The following NUTM1 variants were observed in gnomAD, a reference collection of about 807,000 sequenced individuals.
The protein encoded by NUTM1 is NUT family member 1.
NUTM1 carries 39 observed loss-of-function variants against 88.7 expected under a neutral mutation model. The ratio of observed to expected loss-of-function variants is 0.44; its 90% CI spans 0.34 to 0.57. The LOEUF (loss-of-function observed/expected upper bound fraction) is 0.57. Ranked by LOEUF, NUTM1 falls within the 20% of genes least tolerant of loss-of-function variation. The pLI is 0.01. For synonymous variants in NUTM1, 494 were observed against 538.0 expected, an observed-to-expected ratio of 0.92 and a Z score of 1.13; for missense variants, 1,350 against 1,414.5, an observed-to-expected ratio of 0.95 and a Z score of 0.73.
At chr15:34,353,035 AC>A (rs1370832916) in intron 4 of NUTM1, among the ~76,000 whole-genome samples, 10 of 151,040 alleles carry the variant, frequency 6.6e-5, no homozygotes, top group African/African-American at 2.4e-4. Context: ...ACAGGCACCC[AC>A]CACCACATCA....
At chr15:34,353,131 C>T (rs993420702) in intron 4 of NUTM1, among the ~76,000 whole-genome samples, 7 of 151,768 alleles carry the variant, frequency 4.6e-5, no homozygotes, top group Non-Finnish European at 7.4e-5. Context: ...ATGATCCGCC[C>T]GCCTCAGCCT....
intron 2 of NUTM1, 104 bp from the exon 3 acceptor site, chr15:34,347,860 AAAAAT>A: frequency 2.6e-6 from 1 of 381,838 alleles, no homozygotes; most frequent in South Asian, 4.8e-5. Flanking sequence ...CTCAAAAAAT[AAAAAT>A]AAAAATAAAA....
In NUTM1 at chr15:34,344,362, G is replaced by T. The variant is rs1890544376; in HGVS notation, c.6+660G>T. 2.0e-5 allele frequency among the ~76,000 whole-genome samples: 3 copies of T among 151,904 alleles called. No homozygotes were observed. The South Asian group carries it at 6.2e-4, about 32-fold the overall frequency. On this transcript the variant is annotated intron_variant, in intron 1 of 7. Transcript: ENST00000537011. ...CCCCAAAAATACAAAAATTAGCGGG[G>T]CGTGGTGGCGGGCACCTGTAGTCCC...
intron 4 of NUTM1, among the ~76,000 whole-genome samples, chr15:34,352,069 C>T (rs1378942210): frequency 6.6e-6 from 1 of 152,138 alleles, no homozygotes; most frequent in South Asian, 2.1e-4. Flanking sequence ...ACTCAGGAGG[C>T]TGAGGCAGGA....
At position 34,355,691 on chromosome 15, in the gene NUTM1, A is replaced by C; in HGVS notation, c.1683A>C (p.Ala561=). ...AGGTTTCTTCTTCAGGAAAACGGGC[A>C]AGAGAAGTGCATGGTGGGCAGGAGC... ...LGKVSSSGKR[A]REVHGGQEQA... is the part of the protein sequence containing the mutation. The change falls in exon 8 of 8, where the codon GCA becomes GCC. Residue 561 remains alanine (A), a synonymous_variant. Coordinates refer to ENST00000537011, the MANE Select transcript of NUTM1 (RefSeq NM_001284292.2). The surrounding 1 kb of genome is among the most constrained non-coding windows in gnomAD (Gnocchi z 4.3). 1 of 1,609,648 alleles carries C rather than the reference A, an allele frequency of 6.2e-7. No individual in the cohort carries two copies.
chr15:34,351,017 G>A (rs529178499), intron 4 of NUTM1, among the ~76,000 whole-genome samples, 185 bp downstream of exon 4: 64 of 151,426 alleles, frequency 4.2e-4, no homozygotes, highest in Non-Finnish European at 6.2e-4. Flanking sequence ...TCAGGAGTTC[G>A]AGAACAGCCT....
Position 34,348,514 on chromosome 15 carries a change from G to C in NUTM1, c.646G>C (p.Glu216Gln), listed in dbSNP as rs781187867. 6.2e-7 allele frequency: 1 copy of C among 1,614,074 alleles called. No individual in the cohort carries two copies. The highest frequency in any genetic ancestry group is 1.3e-5 in the African/African-American group (1 of 74,940). Residue 216 changes from glutamate to glutamine, a missense_variant, in exon 3 of 8, where the codon GAA becomes CAA. Glu to Gln is a conservative substitution (Grantham distance 29). This residue lies in a region of NUTM1 where 399 missense variants were observed against 397.9 expected (regional missense o/e 1.00). Transcript: ENST00000537011. ...GCCAGGGCCACATGGGACAACCGGGGAAGGAGGTCCTGTGGCCACTCTATC... is the reference window on the plus strand; with the variant it reads ...GCCAGGGCCACATGGGACAACCGGGCAAGGAGGTCCTGTGGCCACTCTATC... ...AWPGPHGTTG[E>Q]GGPVATLSKP...
chr15:34,346,033 G>A lies in NUTM1; in HGVS notation c.98G>A (p.Gly33Glu). 2.5e-6 allele frequency: 4 copies of A among 1,614,174 alleles called. No homozygotes were observed. Among genetic ancestry groups the A allele is most frequent in the Non-Finnish European group, 3.4e-6 (4 of 1,180,010 alleles). ...AAACCTGAGAGGATGGCTTCAGATG[G>A]AGGTAAGTCTGCAGGTGGTGAGGAG... ...VPKPERMASD[G>E]ASALPGPDMS... is the part of the protein sequence containing the mutation. Residue 33 changes from glycine to glutamate, a missense_variant and splice_region_variant, in exon 2 of 8, where the codon GGA (glycine) becomes GAA (glutamate). By Grantham distance (98) the Gly-to-Glu change is moderately conservative. Transcript: ENST00000537011.
chr15:34,356,970 A>C lies in NUTM1; in HGVS notation c.2962A>C (p.Thr988Pro). Residue 988 changes from threonine to proline, a missense_variant, in exon 8 of 8, where the codon ACT (threonine) becomes CCT (proline). Physicochemically the swap from Thr to Pro is conservative, Grantham distance 38 (BLOSUM62 -1). Transcript: ENST00000537011. ...GAGTCAGGAGTCTTACACAACTGGG[A>C]CTCCCAAAGCAACATCTTCTCACCA... is the stretch of plus-strand genomic sequence containing the variant. ...QESQESYTTG[T>P]PKATSSHQGL... 1 of 1,613,754 alleles carries C rather than the reference A, an allele frequency of 6.2e-7. No individual in the cohort carries two copies.
Position 34,343,377 on chromosome 15 carries a change from C to T in NUTM1, c.-320C>T. On this transcript the variant is annotated 5_prime_UTR_variant, in exon 1 of 8. It adds an upstream start codon to the 5' untranslated region. Transcript: ENST00000537011. ...GGGATGGATGTGGATAGAATATTGACGTATAGAAGCCTGTCTTTGTCTCAA... is the reference window on the plus strand; with the variant it reads ...GGGATGGATGTGGATAGAATATTGATGTATAGAAGCCTGTCTTTGTCTCAA... 1.7e-6 allele frequency: 1 copy of T among 604,348 alleles called. No homozygotes were observed. The highest frequency in any genetic ancestry group is 2.9e-6 in the Non-Finnish European group (1 of 342,432). 37.4% of individuals were successfully genotyped at this position (604,348 alleles called of 1,614,324 possible).
intron 2 of NUTM1, among the ~76,000 whole-genome samples, chr15:34,347,634 A>G (rs1890619691): frequency 6.6e-6 from 1 of 152,152 alleles, no homozygotes; most frequent in South Asian, 2.1e-4. Flanking sequence ...CAGGCGGATC[A>G]CAAGGTCAGG....
chr15:34,343,402 A>AAT lies in NUTM1; in HGVS notation c.-295_-294insAT. ...CGTATAGAAGCCTGTCTTTGTCTCA[A>AAT]GATACACACCCATTTCAGGAGCAGT... On this transcript the variant is annotated 5_prime_UTR_variant, in exon 1 of 8. It adds an upstream start codon to the 5' untranslated region. Coordinates refer to ENST00000537011, the MANE Select transcript of NUTM1 (RefSeq NM_001284292.2). 1.6e-6 allele frequency: 1 copy of AAT among 619,496 alleles called. No homozygotes were observed. Among genetic ancestry groups the AAT allele is most frequent in the Non-Finnish European group, 2.8e-6 (1 of 355,622 alleles). The allele number at this position is 619,496 out of a possible 1,614,324, so 38.4% of individuals were successfully genotyped here.
At chr15:34,344,732 T>A (rs2140149684) in intron 1 of NUTM1, among the ~76,000 whole-genome samples, 1 of 152,144 alleles carries the variant, frequency 6.6e-6, no homozygotes, top group South Asian at 2.1e-4. Flanking sequence ...AAAAATTTTT[T>A]AAAGGCCGGG....
intron 3 of NUTM1, among the ~76,000 whole-genome samples, chr15:34,348,922 C>G (rs1387012090): frequency 6.6e-6 from 1 of 152,216 alleles, no homozygotes; most frequent in East Asian, 1.9e-4. Context: ...TTCAGGCAAG[C>G]CTTCCTCTGG....
rs1231571220 is a variant in NUTM1 at position 34,343,722 on chromosome 15, G to T, written c.6+20G>T. 9 of 1,531,944 alleles carry T rather than the reference G, an allele frequency of 5.9e-6. No individual in the cohort carries two copies. Among genetic ancestry groups the T allele is most frequent in the East Asian group, 2.4e-5 (1 of 40,902 alleles). 94.9% of individuals were successfully genotyped at this position (1,531,944 alleles called of 1,614,324 possible). A position where few individuals can be genotyped will look rare whatever the true frequency, so the allele number is the denominator to read the frequency against. ...ATGGTGGTGAGTAGCTAATAATAAC[G>T]TAATAAAGTGCACCTTCTAGGAGTT... On this transcript the variant is annotated intron_variant, in intron 1 of 7. Transcript: ENST00000537011.
intron 5 of NUTM1, 28 bp downstream of exon 5, chr15:34,353,900 C>T (rs774571314): frequency 5.7e-5 from 92 of 1,611,756 alleles, no homozygotes; most frequent in Non-Finnish European, 7.3e-5. Flanking sequence ...TGACAGGAGC[C>T]GTGGGCCAAA....
Position 34,356,573 on chromosome 15 carries a change from A to G in NUTM1, c.2565A>G (p.Glu855=). The change falls in exon 8 of 8, where the codon GAA becomes GAG. Residue 855 remains glutamate, a synonymous_variant. Transcript: ENST00000537011. ...RSKENQEQSC[E]TVGHPSDLWA... ...AAGAAAATCAAGAACAGAGCTGTGA[A>G]ACCGTAGGGCATCCCAGTGATCTGT... 6.2e-7 allele frequency: 1 copy of G among 1,614,014 alleles called. No homozygotes were observed. The highest frequency in any genetic ancestry group is 8.5e-7 in the Non-Finnish European group (1 of 1,179,994).
At position 34,356,626 on chromosome 15, in the gene NUTM1, A is replaced by T; in HGVS notation, c.2618A>T (p.Glu873Val). The T allele has an allele frequency of 6.2e-7, 1 of 1,613,978 alleles. No homozygotes were observed. Among genetic ancestry groups the T allele is most frequent in the South Asian group, 1.1e-5 (1 of 91,076 alleles). The change falls in exon 8 of 8, where the codon GAA (glutamate) becomes GTA (valine). Residue 873 changes from glutamate (E) to valine (V), a missense_variant. Glu to Val is a moderately radical substitution (Grantham distance 121, BLOSUM62 -2). This residue lies in a region of NUTM1 where 730 missense variants were observed against 728.8 expected (regional missense o/e 1.00). Coordinates refer to ENST00000537011, the MANE Select transcript of NUTM1 (RefSeq NM_001284292.2). ...LWAEGCFPLLESGDSTLGSSK... is the reference protein window; with the variant it reads ...LWAEGCFPLLVSGDSTLGSSK... The stretch of plus-strand genomic sequence containing the variant: ...GCAGAAGGTTGCTTCCCATTGCTAG[A>T]AAGTGGTGATTCCACACTGGGGTCT...
In NUTM1 at chr15:34,353,856, G is replaced by C. The variant is rs1351119979; in HGVS notation, c.1059G>C (p.Glu353Asp). 6.2e-7 allele frequency: 1 copy of C among 1,613,666 alleles called. No homozygotes were observed. Among genetic ancestry groups the C allele is most frequent in the Non-Finnish European group, 8.5e-7 (1 of 1,180,032 alleles). Residue 353 changes from glutamate (E) to aspartate (D), a missense_variant, in exon 5 of 8, where the codon GAG (glutamate) becomes GAC (aspartate). Glu to Asp is a conservative substitution (Grantham distance 45, BLOSUM62 2). Around this residue, in one of 5 missense-constraint regions of NUTM1, gnomAD observed 89 missense variants for 76.0 expected, o/e 1.17. Coordinates refer to ENST00000537011, the MANE Select transcript of NUTM1 (RefSeq NM_001284292.2). ...ATCCTCTAGGGCCCCTGGCCTCTGA[G>C]GTTTGCCAGCAGCCAGGTGAGGCTA... Reference protein sequence around the residue: ...KLDPLGPLASEVCQQPVYIPK... With the variant: ...KLDPLGPLASDVCQQPVYIPK...
Sources: gnomAD v4.1 joint callset for allele counts (sites outside exome capture counted in the v4.1 genomes callset) on GRCh38, gnomAD v4.1.1 for gene constraint, gnomAD v4.1.1 regional missense constraint, Gnocchi (gnomAD v3.1) non-coding constraint, MANE v1.5 for transcripts, NCBI Gene and HGNC (gene_info 2026-07-23, HGNC 2026-07-21) for gene names.